ADGRF5: variants seen among roughly 807,000 people sequenced by gnomAD.
ADGRF5 encodes G-protein coupled receptor 116.
Under a neutral mutation model 132.3 loss-of-function variants are expected in ADGRF5, and 75 were observed. The ratio of observed to expected loss-of-function variants is 0.57; its 90% CI spans 0.47 to 0.69. The LOEUF is 0.69. Among genes scored for constraint, ADGRF5 ranks in the 30% least tolerant of loss-of-function variants. ADGRF5 has a pLI of 0.00. For synonymous variants in ADGRF5, 629 were observed against 597.6 expected (o/e 1.05, Z -0.77); for missense variants, 1,516 against 1,630.6 (o/e 0.93, Z 1.21).
chr6:46,863,475 C>T (rs1770028827), intron 14 of ADGRF5, among the ~76,000 whole-genome samples: 1 of 152,196 alleles, frequency 6.6e-6, no homozygotes, highest in East Asian at 1.9e-4. Flanking sequence ...CCTGGTGATT[C>T]CAGTGTGCTG....
At chr6:46,915,923 GCCT>G (rs1391542987) in intron 1 of ADGRF5, among the ~76,000 whole-genome samples, 1 of 151,986 alleles carries the variant, frequency 6.6e-6, no homozygotes, top group Non-Finnish European at 1.5e-5. Flanking sequence ...TTTGTGCATG[GCCT>G]CCTCCTCTGC....
At chr6:46,915,741 C>G (rs964406997) in intron 1 of ADGRF5, among the ~76,000 whole-genome samples, 1 of 152,008 alleles carries the variant, frequency 6.6e-6, no homozygotes, top group Admixed American at 6.6e-5. Flanking sequence ...CCCCCCACCC[C>G]CAACCCCAAG....
intron 10 of ADGRF5, among the ~76,000 whole-genome samples, chr6:46,877,674 T>C (rs1936194820): frequency 6.6e-6 from 1 of 151,930 alleles, no homozygotes; most frequent in African/African-American, 2.4e-5. Flanking sequence ...AGAAATCATA[T>C]GAAATGACTG....
chr6:46,897,528 G>A (rs1362272357), intron 3 of ADGRF5, among the ~76,000 whole-genome samples: 1 of 152,116 alleles, frequency 6.6e-6, no homozygotes, highest in Non-Finnish European at 1.5e-5. Flanking sequence ...TCCTGTTGAA[G>A]GTAACATTTT....
chr6:46,942,084 C>T (rs1322571646), intron 1 of ADGRF5, among the ~76,000 whole-genome samples: 4 of 152,170 alleles, frequency 2.6e-5, no homozygotes, highest in African/African-American at 9.7e-5. Context: ...AGTCTGCCAA[C>T]TCTCACTGTC....
chr6:46,886,128 A>G (rs149435378), intron 4 of ADGRF5, among the ~76,000 whole-genome samples: 1 of 152,224 alleles, frequency 6.6e-6, no homozygotes, highest in Non-Finnish European at 1.5e-5. Context: ...CCAAAGTCAC[A>G]TCTTTGGGAG....
At chr6:46,859,769 C>T (rs564186831) in intron 16 of ADGRF5, among the ~76,000 whole-genome samples, 14 of 152,218 alleles carry the variant, frequency 9.2e-5, no homozygotes, top group Admixed American at 7.2e-4. Context: ...ACACCCACTA[C>T]ACACCCTACT....
chr6:46,861,678 C>A (rs925004734), intron 15 of ADGRF5, among the ~76,000 whole-genome samples: 5 of 152,212 alleles, frequency 3.3e-5, no homozygotes, highest in Non-Finnish European at 7.3e-5. Context: ...TTACATTCTT[C>A]TCATTCCTAT....
chr6:46,917,916 C>CA (rs991290159), intron 1 of ADGRF5, among the ~76,000 whole-genome samples: 6 of 152,096 alleles, frequency 3.9e-5, no homozygotes, highest in Non-Finnish European at 5.9e-5. Context: ...CAAATTCAAT[C>CA]AAAAAAATTG....
rs1200623367 is a variant in ADGRF5 at position 46,879,918 on chromosome 6, T to A, written c.936A>T (p.Glu312Asp). ...VSWRYEEQQL[E>D]IQNSSRFSIY... is the part of the protein sequence containing the mutation. The stretch of plus-strand genomic sequence containing the variant: ...TCGAGAATCTGCTGCTGTTCTGGAT[T>A]TCCAACTGCTGTTCTTCATAGCGCC... Residue 312 changes from glutamate (E) to aspartate (D), a missense_variant, in exon 9 of 21, where the codon GAA (glutamate) becomes GAT (aspartate). Glu to Asp is a conservative substitution (Grantham distance 45, BLOSUM62 2). This residue lies in a region of ADGRF5 where 945 missense variants were observed against 929.4 expected (regional missense o/e 1.02). Transcript: ENST00000283296. The A allele has an allele frequency of 6.2e-7, 1 of 1,614,128 alleles. No individual in the cohort carries two copies. Among genetic ancestry groups the A allele is most frequent in the South Asian group, 1.1e-5 (1 of 91,084 alleles).
intron 6 of ADGRF5, 128 bp from the exon 7 acceptor site, chr6:46,882,235 T>C (rs775495521): frequency 1.3e-6 from 1 of 752,068 alleles, no homozygotes; most frequent in South Asian, 1.4e-5. Flanking sequence ...GTCTATTTTG[T>C]TAACTGTGGG....
Position 46,868,903 on chromosome 6 carries a change from G to C in ADGRF5, c.1601C>G (p.Thr534Ser). The C allele has an allele frequency of 6.2e-7, 1 of 1,610,992 alleles. No homozygotes were observed. The highest frequency in any genetic ancestry group is 1.1e-5 in the South Asian group (1 of 90,992). Residue 534 changes from threonine (T) to serine (S), a missense_variant, in exon 12 of 21, where the codon ACC becomes AGC. Thr to Ser is a moderately conservative substitution (Grantham distance 58, BLOSUM62 1). Coordinates refer to ENST00000283296, the MANE Select transcript of ADGRF5 (RefSeq NM_001098518.2). ...DGAESVLTVK[T>S]STREWNGTYH... ...CTCACCATTCCACTCCCTGGTCGAG[G>C]TCTTGACTGTCAGTACTGATTCTGC...
rs1311366601 is a variant in ADGRF5 at position 46,859,045 on chromosome 6, T to G, written c.2858A>C (p.Lys953Thr). ...AAGCCTGAAGTTCCAGAAGACACAC[T>G]TCGTTTCGCCGCCTGAAGGGCTATT... is the stretch of plus-strand genomic sequence containing the variant. The part of the protein sequence containing the change: ...KNNSPSGGET[K>T]CVFWNFRLAN... The change falls in exon 17 of 21, where the codon AAG (lysine) becomes ACG (threonine). Residue 953 changes from lysine (K) to threonine (T), a missense_variant. By Grantham distance (78) the Lys-to-Thr change is moderately conservative (BLOSUM62 -1). This residue lies in a region of ADGRF5 where 571 missense variants were observed against 701.2 expected (regional missense o/e 0.81). Transcript: ENST00000283296. 6.2e-7 allele frequency: 1 copy of G among 1,614,144 alleles called. No individual in the cohort carries two copies. The highest frequency in any genetic ancestry group is 1.1e-5 in the South Asian group (1 of 91,080).
At chr6:46,891,402 G>A (rs1283210727) in intron 3 of ADGRF5, among the ~76,000 whole-genome samples, 1 of 152,158 alleles carries the variant, frequency 6.6e-6, no homozygotes, top group African/African-American at 2.4e-5. Flanking sequence ...CTGCCTTAGC[G>A]CACATTCTTT....
In ADGRF5 at chr6:46,885,349, C is replaced by T. The variant is rs533891156; in HGVS notation, c.329-1078G>A. 3.3e-5 allele frequency among the ~76,000 whole-genome samples: 5 copies of T among 152,258 alleles called. No homozygotes were observed. The East Asian group carries it at 9.6e-4, about 29-fold the overall frequency. On this transcript the variant is annotated intron_variant, in intron 4 of 20. Coordinates refer to ENST00000283296, the MANE Select transcript of ADGRF5 (RefSeq NM_001098518.2). ...GAGACCCTGAGCCAGAACCACCCAG[C>T]TAAGCTGCTCTAAGATTTCTGACCC...
intron 1 of ADGRF5, among the ~76,000 whole-genome samples, chr6:46,954,098 A>C (rs1778631214): frequency 6.6e-6 from 1 of 152,054 alleles, no homozygotes; most frequent in African/African-American, 2.4e-5. Context: ...CCCTGCAGAC[A>C]ACCACCACCA....
At chr6:46,903,170 T>C (rs1774946730) in intron 2 of ADGRF5, among the ~76,000 whole-genome samples, 1 of 152,142 alleles carries the variant, frequency 6.6e-6, no homozygotes, top group African/African-American at 2.4e-5. Flanking sequence ...ACTCCAGCAC[T>C]TGCCTTTCCT....
At chr6:46,862,747 T>A (rs953630624) in intron 15 of ADGRF5, 141 bp downstream of exon 15, 6 of 249,510 alleles carry the variant, frequency 2.4e-5, no homozygotes, top group Non-Finnish European at 4.0e-5. Flanking sequence ...TAGGGTTGCA[T>A]CTCCTTTGGA....
intron 5 of ADGRF5, 27 bp from the exon 6 acceptor site, chr6:46,883,692 A>T: frequency 8.4e-7 from 1 of 1,183,636 alleles, no homozygotes; most frequent in Non-Finnish European, 1.2e-6. Flanking sequence ...GGCAATATTT[A>T]AAAATATGTT....
Sources: gnomAD v4.1 joint callset for allele counts (sites outside exome capture counted in the v4.1 genomes callset) on GRCh38, gnomAD v4.1.1 for gene constraint, gnomAD v4.1.1 regional missense constraint, MANE v1.5 for transcripts, NCBI Gene and HGNC (gene_info 2026-07-23, HGNC 2026-07-21) for gene names.